The following CDH13 variants were observed in gnomAD, a reference collection of about 807,000 sequenced individuals.
CDH13 encodes cadherin-13.
In CDH13, 24 loss-of-function variants were observed where a neutral mutation model predicts 63.8. The ratio of observed to expected loss-of-function variants is 0.38; its 90% CI spans 0.27 to 0.53. The LOEUF is 0.53. Ranked by LOEUF, CDH13 falls within the 20% of genes least tolerant of loss-of-function variation. The pLI is 0.85. For missense variants in CDH13, 1,049 were observed against 903.1 expected (o/e 1.16, Z -2.07); for synonymous variants, 503 against 355.3 (o/e 1.42, Z -4.67).
chr16:83,519,221 C>T (rs369429514), intron 7 of CDH13, among the ~76,000 whole-genome samples: 88 of 152,296 alleles, frequency 5.8e-4, no homozygotes, highest in African/African-American at 2.1e-3. Flanking sequence ...GGAGTCTTGT[C>T]TTGTCTCAGC....
intron 5 of CDH13, among the ~76,000 whole-genome samples, chr16:83,271,319 C>A (rs2088800676): frequency 6.8e-6 from 1 of 147,264 alleles, no homozygotes; most frequent in Non-Finnish European, 1.5e-5. Flanking sequence ...GTGATCAGGG[C>A]AGATCCCAGG....
At chr16:83,553,716 T>C (rs2075552841) in intron 7 of CDH13, among the ~76,000 whole-genome samples, 1 of 152,172 alleles carries the variant, frequency 6.6e-6, no homozygotes, top group Non-Finnish European at 1.5e-5. Context: ...ACCACCACAC[T>C]TGGCTAATTT....
chr16:83,259,685 G>C (rs1002289715), intron 5 of CDH13, among the ~76,000 whole-genome samples: 1 of 152,092 alleles, frequency 6.6e-6, no homozygotes, highest in Non-Finnish European at 1.5e-5. Context: ...TAGAGTACAT[G>C]TGCACAATGT....
chr16:83,285,064 C>A (rs1410724927), intron 5 of CDH13, among the ~76,000 whole-genome samples: 1 of 152,104 alleles, frequency 6.6e-6, no homozygotes, highest in Non-Finnish European at 1.5e-5. Flanking sequence ...ATTTCTTTCT[C>A]CTTGGGTTTT....
At chr16:82,955,556 A>G (rs1471583687) in intron 2 of CDH13, among the ~76,000 whole-genome samples, 1 of 152,074 alleles carries the variant, frequency 6.6e-6, no homozygotes, top group Non-Finnish European at 1.5e-5. Flanking sequence ...ATTTTAAAGC[A>G]TATACAGGTG....
At chr16:82,901,728 A>C (rs1473905786) in intron 2 of CDH13, among the ~76,000 whole-genome samples, 1 of 152,244 alleles carries the variant, frequency 6.6e-6, no homozygotes, top group Non-Finnish European at 1.5e-5. Flanking sequence ...TGTATTACAT[A>C]GATAAAATGG....
chr16:83,080,873 T>TG (rs2033189535), intron 3 of CDH13, among the ~76,000 whole-genome samples: 1 of 86,046 alleles, frequency 1.2e-5, no homozygotes, highest in African/African-American at 5.3e-5. Context: ...GTTTTTGTGT[T>TG]TTTTTTTTTT....
intron 1 of CDH13, among the ~76,000 whole-genome samples, chr16:82,780,109 A>G (rs765610965): frequency 2.0e-5 from 3 of 152,184 alleles, no homozygotes; most frequent in Non-Finnish European, 2.9e-5. Flanking sequence ...CGGTGTCTGC[A>G]ATAGTCTCAT....
At chr16:82,667,724 C>A (rs968854566) in intron 1 of CDH13, among the ~76,000 whole-genome samples, 2 of 151,988 alleles carry the variant, frequency 1.3e-5, no homozygotes, top group African/African-American at 4.8e-5. Flanking sequence ...AAAGCGCAGT[C>A]ACTATGGAGC....
chr16:83,408,235 A>T (rs1330380321), intron 6 of CDH13, among the ~76,000 whole-genome samples: 1 of 152,206 alleles, frequency 6.6e-6, no homozygotes, highest in Non-Finnish European at 1.5e-5. Context: ...GAAATTCTGC[A>T]TGTTCCATTG....
intron 1 of CDH13, among the ~76,000 whole-genome samples, chr16:82,653,778 T>G (rs1207387557): frequency 6.6e-6 from 1 of 152,088 alleles, no homozygotes; most frequent in African/African-American, 2.4e-5. Flanking sequence ...ATCTGGGTTT[T>G]CCAATGATCA....
At chr16:83,204,542 G>A (rs1252566938) in intron 4 of CDH13, among the ~76,000 whole-genome samples, 1 of 152,132 alleles carries the variant, frequency 6.6e-6, no homozygotes, top group Admixed American at 6.6e-5. Context: ...TTTCCATTGT[G>A]CAGAAGACAG....
intron 7 of CDH13, among the ~76,000 whole-genome samples, chr16:83,544,605 C>T (rs1309310720): frequency 1.3e-5 from 2 of 152,116 alleles, no homozygotes; most frequent in Non-Finnish European, 2.9e-5. Flanking sequence ...GGATATGGCA[C>T]CACATGTTGC....
intron 1 of CDH13, among the ~76,000 whole-genome samples, chr16:82,839,673 G>A (rs1278505958): frequency 6.6e-6 from 1 of 152,126 alleles, no homozygotes; most frequent in Non-Finnish European, 1.5e-5. Context: ...ATCGCCATGT[G>A]CACCTCTCTG....
intron 2 of CDH13, among the ~76,000 whole-genome samples, chr16:83,030,082 G>C (rs1302595180): frequency 1.3e-5 from 2 of 152,126 alleles, no homozygotes; most frequent in Non-Finnish European, 2.9e-5. Context: ...CACAGCCTCT[G>C]CTTGTGTCAA....
intron 2 of CDH13, among the ~76,000 whole-genome samples, chr16:83,010,135 CAAAAAAAAAA>C (rs67985333): frequency 1.2e-4 from 6 of 50,118 alleles, no homozygotes; most frequent in East Asian, 6.6e-4. Flanking sequence ...AACTCTGTCT[CAAAAAAAAAA>C]AAAAAAAAAA....
At chr16:82,881,199 G>C (rs1480565884) in intron 2 of CDH13, among the ~76,000 whole-genome samples, 1 of 152,178 alleles carries the variant, frequency 6.6e-6, no homozygotes, top group African/African-American at 2.4e-5. Flanking sequence ...TGGGTGTGTA[G>C]AGGCTTCCGT....
chr16:82,667,645 G>C (rs1427855448), intron 1 of CDH13, among the ~76,000 whole-genome samples: 1 of 152,156 alleles, frequency 6.6e-6, no homozygotes, highest in Non-Finnish European at 1.5e-5. Flanking sequence ...ACAGAGCCCA[G>C]GCAGAGCTGA....
chr16:82,688,290 A>G (rs1177687181), intron 1 of CDH13, among the ~76,000 whole-genome samples: 1 of 152,162 alleles, frequency 6.6e-6, no homozygotes, highest in Non-Finnish European at 1.5e-5. Context: ...TTTCTGATCT[A>G]CAAATCTAAG....
Sources: allele counts gnomAD v4.1 joint callset (sites outside exome capture counted in the v4.1 genomes callset), GRCh38; gene constraint gnomAD v4.1.1; transcripts MANE v1.5; gene names NCBI Gene and HGNC (gene_info 2026-07-23, HGNC 2026-07-21).